Variants in DLGAP2 observed in about 807,000 individuals in gnomAD.
DLGAP2 encodes the protein disks large-associated protein 2.
In DLGAP2, 26 loss-of-function variants were observed where a neutral mutation model predicts 100.3. That is an observed-to-expected ratio of 0.26 (90% CI 0.19 to 0.36). DLGAP2 has a LOEUF of 0.36. DLGAP2 is among the 10% of genes least tolerant of loss of function. The pLI is 1.00. For synonymous variants in DLGAP2, 886 were observed against 630.1 expected, an observed-to-expected ratio of 1.41 and a Z score of -6.08; for missense variants, 1,858 against 1,453.2, an observed-to-expected ratio of 1.28 and a Z score of -4.53.
chr8:1,029,028 C>G (rs1052159050), intron 2 of DLGAP2, among the ~76,000 whole-genome samples: 2 of 152,156 alleles, frequency 1.3e-5, no homozygotes, highest in African/African-American at 4.8e-5. Context: ...GCTGTCCTAG[C>G]TTCCCCTGAG....
chr8:848,874 T>TCTGTTCCAGAACAGGAACGCGCGGTGC (rs1563061826), intron 1 of DLGAP2, among the ~76,000 whole-genome samples: 2 of 129,780 alleles, frequency 1.5e-5, no homozygotes, highest in African/African-American at 2.8e-5. Context: ...TCGCGCGGTG[T>TCTGTTCCAGAACAGGAACGCGCGGTGC]CTGTTCCAGC....
chr8:743,895 G>T (rs945490087), intron 1 of DLGAP2, among the ~76,000 whole-genome samples: 65 of 152,358 alleles, frequency 4.3e-4, no homozygotes, highest in African/African-American at 1.5e-3. Context: ...GATTTCCGTG[G>T]CCGGGTCTTC....
At chr8:1,314,167 G>A (rs2117020653) in intron 3 of DLGAP2, among the ~76,000 whole-genome samples, 1 of 152,290 alleles carries the variant, frequency 6.6e-6, no homozygotes, top group South Asian at 2.1e-4. Context: ...ACTGTATGAT[G>A]AGAAACACAC....
intron 2 of DLGAP2, among the ~76,000 whole-genome samples, chr8:1,006,000 C>G (rs1801098133): frequency 6.6e-6 from 1 of 152,064 alleles, no homozygotes; most frequent in Non-Finnish European, 1.5e-5. Flanking sequence ...ACCATCCTGG[C>G]CAACATGGTG....
chr8:1,345,334 G>A (rs527916536), intron 3 of DLGAP2, among the ~76,000 whole-genome samples: 3 of 149,282 alleles, frequency 2.0e-5, no homozygotes, highest in Admixed American at 6.7e-5. Flanking sequence ...GTTTCTCTTC[G>A]CCAAACACAC....
At chr8:1,430,624 A>C (rs1355555138) in intron 3 of DLGAP2, among the ~76,000 whole-genome samples, 1 of 152,212 alleles carries the variant, frequency 6.6e-6, no homozygotes, top group Non-Finnish European at 1.5e-5. Flanking sequence ...ACAGTTGCCT[A>C]TGACTGCTCT....
At chr8:852,210 T>C (rs1163867567) in intron 1 of DLGAP2, among the ~76,000 whole-genome samples, 1 of 152,104 alleles carries the variant, frequency 6.6e-6, no homozygotes, top group Non-Finnish European at 1.5e-5. Context: ...GAAATCTGTC[T>C]CTCTCACCTT....
At chr8:825,119 G>C (rs376933976) in intron 1 of DLGAP2, among the ~76,000 whole-genome samples, 1 of 152,202 alleles carries the variant, frequency 6.6e-6, no homozygotes, top group South Asian at 2.1e-4. Context: ...GCCAGAGGAG[G>C]GCTCTTCCTC....
Position 1,669,677 on chromosome 8 carries a change from G to A in DLGAP2, c.2161-66G>A, listed in dbSNP as rs73672917. ...AGGCATGCGGGCGGAGAGAGCAGGG[G>A]AGCCGCCCGCTGGTCCAGGGCCTCC... On this transcript the variant is annotated intron_variant, in intron 9 of 14. Transcript: ENST00000637795. 5.3e-4 allele frequency: 416 copies of A among 779,802 alleles called. 4 individuals are homozygous for A. The East Asian group carries it at 9.9e-3, about 19-fold the overall frequency. 48.3% of individuals were successfully genotyped at this position (779,802 alleles called of 1,614,324 possible). A position where few individuals can be genotyped will look rare whatever the true frequency, so the allele number is the denominator to read the frequency against.
intron 4 of DLGAP2, among the ~76,000 whole-genome samples, chr8:1,519,937 C>G (rs1011670114): frequency 1.3e-5 from 2 of 152,232 alleles, no homozygotes; most frequent in Non-Finnish European, 2.9e-5. Flanking sequence ...TATCCTCCCA[C>G]ACCTGCCCTG....
At chr8:1,649,053 C>T (rs924477831) in intron 8 of DLGAP2, among the ~76,000 whole-genome samples, 1 of 152,174 alleles carries the variant, frequency 6.6e-6, no homozygotes, top group Admixed American at 6.5e-5. Context: ...CCCAAAAAAT[C>T]ATTGCCTGTG....
chr8:894,185 C>T (rs138555279), intron 1 of DLGAP2, among the ~76,000 whole-genome samples: 5 of 152,304 alleles, frequency 3.3e-5, no homozygotes, highest in African/African-American at 7.2e-5. Context: ...GGGTGGGAGA[C>T]GCCCCCAGAG....
intron 4 of DLGAP2, among the ~76,000 whole-genome samples, chr8:1,537,505 C>T: frequency 6.6e-6 from 1 of 152,188 alleles, no homozygotes; most frequent in Non-Finnish European, 1.5e-5. Flanking sequence ...CCCCGTGTAC[C>T]TCTCTCTGTC....
chr8:850,942 T>C (rs1181850023), intron 1 of DLGAP2, among the ~76,000 whole-genome samples: 1 of 152,170 alleles, frequency 6.6e-6, no homozygotes, highest in Non-Finnish European at 1.5e-5. Context: ...ATAGCCAAGA[T>C]TCACACCTTA....
chr8:1,380,755 C>G (rs139554549), intron 3 of DLGAP2, among the ~76,000 whole-genome samples: 1 of 152,016 alleles, frequency 6.6e-6, no homozygotes, highest in Non-Finnish European at 1.5e-5. Flanking sequence ...TTGGTATTAA[C>G]TGGGACACAG....
chr8:1,002,615 A>C (rs1800991453), intron 2 of DLGAP2: 1 of 152,232 alleles, frequency 6.6e-6, no homozygotes, highest in South Asian at 2.1e-4. Flanking sequence ...CTGGACACTG[A>C]GTGGACGCCC....
intron 1 of DLGAP2, among the ~76,000 whole-genome samples, chr8:847,917 A>G (rs1310461273): frequency 6.6e-6 from 1 of 151,754 alleles, no homozygotes; most frequent in Non-Finnish European, 1.5e-5. Flanking sequence ...TTTGACTTTT[A>G]GCTTGGATGC....
At chr8:1,169,307 A>C (rs1355660596) in intron 2 of DLGAP2, among the ~76,000 whole-genome samples, 1 of 152,178 alleles carries the variant, frequency 6.6e-6, no homozygotes, top group African/African-American at 2.4e-5. Flanking sequence ...CTTTGAAGTC[A>C]GGTAGCGTGA....
chr8:1,439,255 G>A (rs1797753179), intron 3 of DLGAP2, among the ~76,000 whole-genome samples: 1 of 152,210 alleles, frequency 6.6e-6, no homozygotes, highest in African/African-American at 2.4e-5. Context: ...ACAGCACGTG[G>A]CAGCCGGGTT....
Sources: gnomAD v4.1 joint callset for allele counts (sites outside exome capture counted in the v4.1 genomes callset) on GRCh38, gnomAD v4.1.1 for gene constraint, MANE v1.5 for transcripts, NCBI Gene and HGNC (gene_info 2026-07-23, HGNC 2026-07-21) for gene names.